The following IQGAP1 variants were observed in gnomAD, a reference collection of about 807,000 sequenced individuals.
The protein encoded by IQGAP1 is IQ motif containing GTPase activating protein 1.
Under a neutral mutation model 215.6 loss-of-function variants are expected in IQGAP1, and 66 were observed. The ratio of observed to expected loss-of-function variants is 0.31; its 90% CI spans 0.25 to 0.38. The LOEUF (loss-of-function observed/expected upper bound fraction) is 0.38. IQGAP1 is among the 10% of genes least tolerant of loss of function. The pLI is 1.00. For synonymous variants in IQGAP1, 772 were observed against 728.7 expected (o/e 1.06, Z -0.96); for missense variants, 1,712 against 1,997.1 (o/e 0.86, Z 2.72).
intron 23 of IQGAP1, among the ~76,000 whole-genome samples, chr15:90,475,325 G>C (rs372039575): frequency 6.6e-6 from 1 of 151,922 alleles, no homozygotes; most frequent in Non-Finnish European, 1.5e-5. Context: ...AGAGACGGGG[G>C]TTTCACCATG....
chr15:90,448,709 C>G lies in IQGAP1; in HGVS notation c.1050C>G (p.Leu350=). 6.2e-7 allele frequency: 1 copy of G among 1,604,184 alleles called. No individual in the cohort carries two copies. The highest frequency in any genetic ancestry group is 1.1e-5 in the South Asian group (1 of 89,244). Residue 350 remains leucine (L), a synonymous_variant, in exon 10 of 38, where the codon CTC becomes CTG. Coordinates refer to ENST00000268182, the MANE Select transcript of IQGAP1 (RefSeq NM_003870.4). ...ATAGCGACTGGTACTTGAAGCAGCT[C>G]CTGAGTGATAAACAGCAGAAGAGAC... ...QQNSDWYLKQ[L]LSDKQQKRQS...
At chr15:90,449,978 C>T (rs1312848838) in intron 11 of IQGAP1, among the ~76,000 whole-genome samples, 1 of 152,192 alleles carries the variant, frequency 6.6e-6, no homozygotes, top group Non-Finnish European at 1.5e-5. Flanking sequence ...TATTTGTCAC[C>T]TAACGCATTT....
intron 2 of IQGAP1, among the ~76,000 whole-genome samples, chr15:90,395,538 T>C (rs576379872): frequency 6.6e-6 from 1 of 152,266 alleles, no homozygotes; most frequent in East Asian, 1.9e-4. Context: ...GCCAGGATAG[T>C]CTTGATCTCC....
chr15:90,424,838 T>TAA (rs951002276), intron 2 of IQGAP1, among the ~76,000 whole-genome samples: 2 of 141,232 alleles, frequency 1.4e-5, no homozygotes, highest in African/African-American at 5.2e-5. Context: ...GACTCCAACT[T>TAA]AAAAAAAAAA....
intron 31 of IQGAP1, 81 bp from the exon 32 acceptor site, chr15:90,486,873 A>T (rs1281893018): frequency 7.2e-6 from 10 of 1,383,954 alleles, no homozygotes; most frequent in Non-Finnish European, 1.0e-5. Context: ...TTAGACTTGC[A>T]TCATCTTATA....
chr15:90,413,465 A>AT, intron 2 of IQGAP1, among the ~76,000 whole-genome samples: 1 of 152,198 alleles, frequency 6.6e-6, no homozygotes, highest in East Asian at 1.9e-4. Context: ...TAGGGTATTT[A>AT]TGGAACTTAA....
At chr15:90,445,652 A>C (rs1292530557) in intron 9 of IQGAP1, among the ~76,000 whole-genome samples, 1 of 152,198 alleles carries the variant, frequency 6.6e-6, no homozygotes, top group Non-Finnish European at 1.5e-5. Flanking sequence ...GTTTGATTTC[A>C]ACCAACTAGG....
rs1465602207 is a variant in IQGAP1, at chr15:90,473,722, G to T, written c.2357G>T (p.Trp786Leu). ...IPAITCIQSQ[W>L]RGYKQKKAYQ... ...AACATTTGACTGTTTCAGTCACAGT[G>T]GAGAGGATACAAGCAGAAGAAGGCA... Residue 786 changes from tryptophan to leucine, a missense_variant, in exon 20 of 38, where the codon TGG becomes TTG. Physicochemically the swap from Trp to Leu is moderately conservative, Grantham distance 61. Around this residue, in one of 2 missense-constraint regions of IQGAP1, gnomAD observed 1,021 missense variants for 1,074.2 expected, o/e 0.95. Coordinates refer to ENST00000268182, the MANE Select transcript of IQGAP1 (RefSeq NM_003870.4). The T allele has an allele frequency of 6.2e-7, 1 of 1,607,896 alleles. No individual in the cohort carries two copies. The highest frequency in any genetic ancestry group is 8.5e-7 in the Non-Finnish European group (1 of 1,175,734).
At chr15:90,481,041 G>C (rs1299991473) in intron 26 of IQGAP1, among the ~76,000 whole-genome samples, 1 of 152,152 alleles carries the variant, frequency 6.6e-6, no homozygotes, top group Non-Finnish European at 1.5e-5. Context: ...GAAAGTCATG[G>C]TCTCACAATT....
chr15:90,457,595 A>ATTTTT (rs34550575), intron 15 of IQGAP1, among the ~76,000 whole-genome samples: 1 of 131,374 alleles, frequency 7.6e-6, no homozygotes. Flanking sequence ...CCTGGCTAAA[A>ATTTTT]TTTTTTTTTT....
chr15:90,462,190 C>G (rs1038821080), intron 15 of IQGAP1, among the ~76,000 whole-genome samples: 1 of 152,094 alleles, frequency 6.6e-6, no homozygotes, highest in African/African-American at 2.4e-5. Context: ...TGACTTAAAT[C>G]TCTCTCTGAC....
intron 2 of IQGAP1, among the ~76,000 whole-genome samples, chr15:90,404,327 A>C (rs1002217469): frequency 1.3e-5 from 2 of 152,224 alleles, no homozygotes; most frequent in East Asian, 3.8e-4. Context: ...AGAGTATTAC[A>C]GATTTTTTAC....
chr15:90,466,483 T>C, intron 17 of IQGAP1, 47 bp downstream of exon 17: 2 of 1,575,398 alleles, frequency 1.3e-6, no homozygotes, highest in Non-Finnish European at 1.7e-6. Context: ...AACCCTTGAG[T>C]ATATGAGGGG....
intron 2 of IQGAP1, among the ~76,000 whole-genome samples, chr15:90,397,510 CTTTTTTTTT>C (rs892748490): frequency 9.4e-6 from 1 of 106,406 alleles, no homozygotes; most frequent in African/African-American, 4.0e-5. Context: ...ACTCAACAAA[CTTTTTTTTT>C]TTTTTTTTTT....
chr15:90,443,548 G>A, intron 9 of IQGAP1, 70 bp downstream of exon 9: 1 of 873,196 alleles, frequency 1.1e-6, no homozygotes, highest in Non-Finnish European at 1.8e-6. Flanking sequence ...TCTATTCTGG[G>A]ACTTACAACA....
At chr15:90,474,777 G>A in intron 23 of IQGAP1, 84 bp downstream of exon 23, 2 of 1,058,610 alleles carry the variant, frequency 1.9e-6, no homozygotes, top group Non-Finnish European at 2.9e-6. Context: ...TGGTGGGGAG[G>A]GTGGAGGCTG....
chr15:90,448,951 C>G (rs1458807534), intron 10 of IQGAP1, among the ~76,000 whole-genome samples: 1 of 152,114 alleles, frequency 6.6e-6, no homozygotes, highest in African/African-American at 2.4e-5. Context: ...TTAAGATAAA[C>G]AGACAATACC....
intron 2 of IQGAP1, among the ~76,000 whole-genome samples, chr15:90,421,155 A>G (rs1030215993): frequency 1.3e-5 from 2 of 151,408 alleles, no homozygotes; most frequent in Non-Finnish European, 2.9e-5. Context: ...ATTTTTTTTA[A>G]TAAAGTCTTC....
intron 2 of IQGAP1, among the ~76,000 whole-genome samples, chr15:90,392,702 GT>G (rs1964651905): frequency 6.8e-6 from 1 of 147,532 alleles, no homozygotes; most frequent in African/African-American, 2.5e-5. Flanking sequence ...TGAAGCCTGA[GT>G]TTTTTGGTCT....
Sources: gnomAD v4.1 joint callset for allele counts (sites outside exome capture counted in the v4.1 genomes callset) on GRCh38, gnomAD v4.1.1 for gene constraint, gnomAD v4.1.1 regional missense constraint, MANE v1.5 for transcripts, NCBI Gene and HGNC (gene_info 2026-07-23, HGNC 2026-07-21) for gene names.